C9orf153: variants seen among roughly 807,000 people sequenced by gnomAD.
The protein encoded by C9orf153 is uncharacterized protein C9orf153.
C9orf153 carries 10 observed loss-of-function variants against 9.0 expected under a neutral mutation model. The observed-to-expected ratio is 1.11, with a 90% CI of 0.69 to 1.89. The LOEUF is 1.89. C9orf153 is among the 40% of genes most tolerant of loss of function. The pLI is 0.00. For missense variants in C9orf153, 108 were observed against 111.0 expected, an observed-to-expected ratio of 0.97 and a Z score of 0.12; for synonymous variants, 35 against 37.3, an observed-to-expected ratio of 0.94 and a Z score of 0.23.
intron 1 of C9orf153, among the ~76,000 whole-genome samples, chr9:86,253,305 A>T (rs566587126): frequency 6.6e-6 from 1 of 152,320 alleles, no homozygotes; most frequent in South Asian, 2.1e-4. Flanking sequence ...CTGGCCTGGT[A>T]TCTTGTCTAC....
chr9:86,241,532 C>T (rs762617901), intron 1 of C9orf153, among the ~76,000 whole-genome samples: 7 of 152,166 alleles, frequency 4.6e-5, no homozygotes, highest in Non-Finnish European at 7.3e-5. Flanking sequence ...TATTACAGGA[C>T]GTCAAGCAAG....
intron 1 of C9orf153, among the ~76,000 whole-genome samples, chr9:86,247,455 G>A (rs1824894756): frequency 6.6e-6 from 1 of 152,178 alleles, no homozygotes; most frequent in African/African-American, 2.4e-5. Flanking sequence ...GCTGAAGCGG[G>A]TGGATTGCTT....
At chr9:86,240,972 G>A (rs1824731028) in intron 1 of C9orf153, among the ~76,000 whole-genome samples, 1 of 152,008 alleles carries the variant, frequency 6.6e-6, no homozygotes, top group African/African-American at 2.4e-5. Flanking sequence ...CTCCCGAAGT[G>A]CTGGGATCAC....
rs886545631 is a variant in C9orf153 at position 86,259,539 on chromosome 9, G to A, written c.-27+11C>T. 3.9e-5 allele frequency: 6 copies of A among 152,176 alleles called. No homozygotes were observed. Among genetic ancestry groups the A allele is most frequent in the African/African-American group, 1.4e-4 (6 of 41,414 alleles). 9.4% of individuals were successfully genotyped at this position (152,176 alleles called of 1,614,324 possible). A position where few individuals can be genotyped will look rare whatever the true frequency, so the allele number is the denominator to read the frequency against. On this transcript the variant is annotated intron_variant, in intron 1 of 3. Coordinates refer to ENST00000339137, the MANE Select transcript of C9orf153 (RefSeq NM_001276366.4). ...ACAGTGCCCCGTGGCTATGGCTGTA[G>A]ATGCACTTACCACTTGTTTTACAGT...
At chr9:86,228,112 C>A (rs2131176640) in intron 2 of C9orf153, 82 bp from the exon 3 acceptor site, 1 of 997,732 alleles carries the variant, frequency 1.0e-6, no homozygotes, top group Non-Finnish European at 1.4e-6. Flanking sequence ...CTAGAAAAAA[C>A]CATAGGACAA....
intron 1 of C9orf153, among the ~76,000 whole-genome samples, chr9:86,255,789 T>C (rs527300891): frequency 2.4e-4 from 37 of 152,338 alleles, no homozygotes; most frequent in African/African-American, 8.4e-4. Context: ...ATCTGCCTTT[T>C]GCGAGTTATT....
chr9:86,230,096 T>G (rs1005738349), intron 1 of C9orf153, among the ~76,000 whole-genome samples: 1 of 152,168 alleles, frequency 6.6e-6, no homozygotes, highest in African/African-American at 2.4e-5. Context: ...GATAACAATT[T>G]GATGTGAGAT....
intron 1 of C9orf153, among the ~76,000 whole-genome samples, chr9:86,245,757 C>T (rs866932953): frequency 9.2e-5 from 14 of 152,148 alleles, no homozygotes; most frequent in South Asian, 2.1e-4. Context: ...CTCTAATTGA[C>T]CTATTCAGGG....
intron 1 of C9orf153, among the ~76,000 whole-genome samples, chr9:86,248,862 T>A (rs985432373): frequency 6.6e-6 from 1 of 152,156 alleles, no homozygotes; most frequent in Non-Finnish European, 1.5e-5. Flanking sequence ...CCAGTTCCAG[T>A]GGCTCCTCGT....
chr9:86,244,771 A>T (rs1028140450), intron 1 of C9orf153, among the ~76,000 whole-genome samples: 2 of 152,154 alleles, frequency 1.3e-5, no homozygotes, highest in Non-Finnish European at 2.9e-5. Context: ...TCCCAGGGAT[A>T]ACCACCCTCC....
chr9:86,228,085 T>G (rs1053074685), intron 2 of C9orf153, 55 bp from the exon 3 acceptor site: 2 of 1,317,820 alleles, frequency 1.5e-6, no homozygotes, highest in African/African-American at 1.5e-5. Flanking sequence ...TGTAATATTC[T>G]GGCAGACCTA....
intron 1 of C9orf153, among the ~76,000 whole-genome samples, chr9:86,255,502 G>A (rs1825101830): frequency 1.3e-5 from 2 of 152,156 alleles, no homozygotes; most frequent in Non-Finnish European, 2.9e-5. Flanking sequence ...CATTTACCAT[G>A]TATTCTTTCT....
chr9:86,225,409 CTCTCCT>C lies in C9orf153; in HGVS notation c.242+2440_242+2445del, dbSNP rs767141254. ...TTCGTTTCTTTCTTTCTCTCTCTCT[CTCTCCT>C]TCCTTCCTTCCTTCCTTCCTTCCTT... On this transcript the variant is annotated intron_variant, in intron 3 of 3. Coordinates refer to ENST00000339137, the MANE Select transcript of C9orf153 (RefSeq NM_001276366.4). Among the ~76,000 whole-genome samples the C allele has an allele frequency of 8.3e-3, 356 of 42,826 alleles. 3 individuals carry two copies. The highest frequency in any genetic ancestry group is 0.049 in the South Asian group (25 of 506). The allele number at this position is 42,826 out of a possible 152,430, so 28.1% of individuals were successfully genotyped here.
intron 3 of C9orf153, among the ~76,000 whole-genome samples, chr9:86,224,974 C>T (rs1004081129): frequency 1.3e-5 from 2 of 151,204 alleles, no homozygotes; most frequent in African/African-American, 4.9e-5. Context: ...TTGTTCCGGC[C>T]CTTGTCTGCG....
chr9:86,240,657 C>A (rs148299711), intron 1 of C9orf153, among the ~76,000 whole-genome samples: 1 of 150,436 alleles, frequency 6.6e-6, no homozygotes, highest in African/African-American at 2.4e-5. Context: ...GGATTACATG[C>A]GTGAGCCACC....
At chr9:86,257,146 C>G (rs1174060756) in intron 1 of C9orf153, among the ~76,000 whole-genome samples, 1 of 152,190 alleles carries the variant, frequency 6.6e-6, no homozygotes, top group African/African-American at 2.4e-5. Flanking sequence ...CAACTTGAAT[C>G]AATGTCCCCA....
intron 1 of C9orf153, among the ~76,000 whole-genome samples, chr9:86,254,108 A>G (rs1825056674): frequency 6.6e-6 from 1 of 151,664 alleles, no homozygotes; most frequent in African/African-American, 2.4e-5. Flanking sequence ...AAAAAAAAAA[A>G]AAGACTGCAA....
chr9:86,229,749 T>G (rs1269115827), intron 1 of C9orf153, 120 bp from the exon 2 acceptor site: 1 of 606,278 alleles, frequency 1.6e-6, no homozygotes, highest in Non-Finnish European at 2.9e-6. Flanking sequence ...TTTGAAAATT[T>G]TATACCTGTA....
chr9:86,255,037 C>T (rs1470513586), intron 1 of C9orf153, among the ~76,000 whole-genome samples: 1 of 116,192 alleles, frequency 8.6e-6, no homozygotes, highest in African/African-American at 4.0e-5. Flanking sequence ...TGCACTCCAG[C>T]CTGAAAGACA....
Sources: gnomAD v4.1 joint callset for allele counts (sites outside exome capture counted in the v4.1 genomes callset) on GRCh38, gnomAD v4.1.1 for gene constraint, MANE v1.5 for transcripts, NCBI Gene and HGNC (gene_info 2026-07-23, HGNC 2026-07-21) for gene names.